Variants in ZNF18 observed in about 807,000 individuals in gnomAD.
ZNF18 encodes zinc finger protein 18.
Under a neutral mutation model 58.1 loss-of-function variants are expected in ZNF18, and 42 were observed. The ratio of observed to expected loss-of-function variants is 0.72; its 90% CI spans 0.56 to 0.93. The LOEUF (loss-of-function observed/expected upper bound fraction) is 0.93. Ranked by LOEUF, ZNF18 falls within the 40% of genes least tolerant of loss-of-function variation. ZNF18 has a pLI of 0.00. For synonymous variants in ZNF18, 231 were observed against 239.8 expected (o/e 0.96, Z 0.34); for missense variants, 540 against 644.2 (o/e 0.84, Z 1.75).
At chr17:12,007,387 A>G in the ZNF18 span, among the ~76,000 whole-genome samples, 2 of 152,158 alleles carry the variant, frequency 1.3e-5, no homozygotes, top group African/African-American at 4.8e-5. Context: ...AAGAGGCCCC[A>G]TGTCCCTTTA....
the ZNF18 span, among the ~76,000 whole-genome samples, chr17:12,014,396 A>G: frequency 2.6e-5 from 4 of 152,260 alleles, no homozygotes; most frequent in African/African-American, 9.6e-5. Flanking sequence ...ATGTCCATCA[A>G]TAGACAAATG....
chr17:12,019,786 G>A, the ZNF18 span, among the ~76,000 whole-genome samples: 2 of 152,180 alleles, frequency 1.3e-5, no homozygotes, highest in Non-Finnish European at 2.9e-5. Flanking sequence ...ACATCTGGGT[G>A]GAAGAAGTTT....
At chr17:12,018,549 A>T in the ZNF18 span, among the ~76,000 whole-genome samples, 1 of 152,212 alleles carries the variant, frequency 6.6e-6, no homozygotes, top group East Asian at 1.9e-4. Flanking sequence ...ATTTCCAAAT[A>T]TAGTCCCATT....
At chr17:12,014,591 A>G in the ZNF18 span, among the ~76,000 whole-genome samples, 2 of 152,240 alleles carry the variant, frequency 1.3e-5, no homozygotes, top group African/African-American at 4.8e-5. Flanking sequence ...CAGAATTGGC[A>G]AATATATAGA....
chr17:11,998,684 G>A (rs1968600361), upstream of ZNF18, among the ~76,000 whole-genome samples: 1 of 152,166 alleles, frequency 6.6e-6, no homozygotes, highest in Non-Finnish European at 1.5e-5. Context: ...TTGATGCGGG[G>A]ATGGGATTAC....
chr17:12,002,045 G>A (rs748512767), upstream of ZNF18, among the ~76,000 whole-genome samples: 1 of 152,028 alleles, frequency 6.6e-6, no homozygotes, highest in East Asian at 1.9e-4. Context: ...AAGGATGAAA[G>A]GTGGGAGGGA....
chr17:11,983,209 C>A, intron 6 of ZNF18, 88 bp downstream of exon 6: 1 of 955,600 alleles, frequency 1.0e-6, no homozygotes. Context: ...ATTCTGCCTC[C>A]CCTGACCTCC....
In ZNF18 at chr17:11,992,795, A is replaced by C; in HGVS notation, c.35T>G (p.Leu12Arg). Residue 12 changes from leucine (L) to arginine (R), a missense_variant, in exon 2 of 7, where the codon CTG becomes CGG. By Grantham distance (102) the Leu-to-Arg change is moderately radical. Transcript: ENST00000580306. ...GTCCTCGGCCTTCGCCAGCGATGGC[A>C]GCAGGCCTAGGGCCTGCCCCAAGTC... ...PVDLGQALGL[L>R]PSLAKAEDSQ... is the part of the protein sequence containing the mutation. The C allele has an allele frequency of 6.2e-7, 1 of 1,613,880 alleles. No homozygotes were observed. Among genetic ancestry groups the C allele is most frequent in the Non-Finnish European group, 8.5e-7 (1 of 1,180,038 alleles).
chr17:12,009,228 G>T, the ZNF18 span: 2 of 152,180 alleles, frequency 1.3e-5, no homozygotes, highest in South Asian at 4.1e-4. Context: ...GACATGGGTT[G>T]GTGTAGACAA....
At position 11,992,642 on chromosome 17, in the gene ZNF18, C is replaced by T. The variant is rs772979075; in HGVS notation, c.188G>A (p.Arg63Gln). 19 of 1,614,108 alleles carry T rather than the reference C, an allele frequency of 1.2e-5. No homozygotes were observed. The highest frequency in any genetic ancestry group is 2.7e-5 in the African/African-American group (2 of 74,932). ...SGPHETLKQL[R>Q]KLCFQWLQPE... ...CTGTAGCCACTGGAAACAGAGCTTC[C>T]GAAGTTGCTTCAAGGTCTCATGAGG... Residue 63 changes from arginine (R) to glutamine (Q), a missense_variant, in exon 2 of 7, where the codon CGG (arginine) becomes CAG (glutamine). By Grantham distance (43) the Arg-to-Gln change is conservative. Transcript: ENST00000580306.
upstream of ZNF18, among the ~76,000 whole-genome samples, chr17:12,001,356 G>A (rs1597992042): frequency 6.6e-6 from 1 of 152,146 alleles, no homozygotes; most frequent in East Asian, 1.9e-4. Context: ...CGGGCCGGGC[G>A]CGGTGGCTTA....
At chr17:12,020,773 G>T in the ZNF18 span, 2 of 431,180 alleles carry the variant, frequency 4.6e-6, no homozygotes, top group Non-Finnish European at 7.5e-6. Flanking sequence ...GCGTGTCCGG[G>T]GCGTGTCGGA....
chr17:12,014,567 T>C, the ZNF18 span, among the ~76,000 whole-genome samples: 1 of 152,214 alleles, frequency 6.6e-6, no homozygotes, highest in African/African-American at 2.4e-5. Context: ...ATGATTCCAT[T>C]TGTATGAAAT....
At chr17:11,990,289 ACATTTGG>A (rs1279758161) in intron 4 of ZNF18, among the ~76,000 whole-genome samples, 166 bp downstream of exon 4, 15 of 152,240 alleles carry the variant, frequency 9.9e-5, no homozygotes, top group Non-Finnish European at 1.9e-4. Context: ...AGATAAGAGT[ACATTTGG>A]CATGATTCTA....
chr17:12,007,698 C>T, the ZNF18 span, among the ~76,000 whole-genome samples: 1 of 152,182 alleles, frequency 6.6e-6, no homozygotes, highest in Admixed American at 6.5e-5. Context: ...TGGCTAGACG[C>T]CTGCCCACGT....
upstream of ZNF18, chr17:11,997,518 CGGGCGGAGCTAGGGGGCGG>C (rs1968555565): frequency 6.6e-6 from 1 of 152,258 alleles, no homozygotes; most frequent in African/African-American, 2.4e-5. Flanking sequence ...CGTGCGGCAC[CGGGCGGAGCTAGGGGGCGG>C]GGGCGGAGCT....
chr17:11,995,940 C>T (rs1968447987), intron 1 of ZNF18, among the ~76,000 whole-genome samples: 1 of 151,926 alleles, frequency 6.6e-6, no homozygotes, highest in Non-Finnish European at 1.5e-5. Flanking sequence ...ACTCAAAAAC[C>T]CAATATCTGA....
the ZNF18 span, among the ~76,000 whole-genome samples, chr17:12,017,648 C>CA: frequency 3.3e-5 from 5 of 152,152 alleles, no homozygotes; most frequent in African/African-American, 1.2e-4. Context: ...GAGGCTGAGG[C>CA]AGGCAGATCA....
the ZNF18 span, among the ~76,000 whole-genome samples, chr17:12,007,917 A>T: frequency 2.0e-5 from 3 of 152,302 alleles, no homozygotes; most frequent in East Asian, 1.9e-4. Context: ...CAGAGAGAGA[A>T]GATGATTGGA....
Sources: allele counts gnomAD v4.1 joint callset (sites outside exome capture counted in the v4.1 genomes callset), GRCh38; gene constraint gnomAD v4.1.1; transcripts MANE v1.5; gene names NCBI Gene and HGNC (gene_info 2026-07-23, HGNC 2026-07-21).